The following AASS variants were observed in gnomAD, a reference collection of about 807,000 sequenced individuals.
The protein encoded by AASS is aminoadipate-semialdehyde synthase, also known as alpha-aminoadipic semialdehyde synthase, mitochondrial.
A neutral mutation model predicts 105.4 loss-of-function variants in AASS; 86 were observed. The observed-to-expected ratio is 0.82, with a 90% confidence interval of 0.69 to 0.98. AASS has a LOEUF of 0.98. AASS is among the 50% of genes least tolerant of loss of function. The pLI, the probability that AASS is intolerant of heterozygous loss-of-function variation, is 0.00. For missense variants in AASS, 1,048 were observed against 1,143.2 expected (o/e 0.92, Z 1.20); for synonymous variants, 381 against 394.8 (o/e 0.96, Z 0.41).
chr7:122,091,682 T>C, intron 18 of AASS, 21 bp downstream of exon 18: 2 of 1,613,328 alleles, frequency 1.2e-6, no homozygotes, highest in South Asian at 2.2e-5. Context: ...GATATCACTA[T>C]GCTTGGATAA....
rs553407624 is a variant in AASS, at chr7:122,074,980, C to G, written c.*1509G>C. ...GCTCAAGCCATCCTTACACCTCAGC[C>G]TCTGAGTAGCTGAGACGACAGATGA... is the stretch of plus-strand genomic sequence containing the variant. On this transcript the variant is annotated 3_prime_UTR_variant, in exon 24 of 24. Transcript: ENST00000417368. Among the ~76,000 whole-genome samples, 135 of 152,288 alleles carry G rather than the reference C, an allele frequency of 8.9e-4. No individual in the cohort carries two copies. The highest frequency in any genetic ancestry group is 1.6e-3 in the Non-Finnish European group (109 of 68,030).
intron 4 of AASS, among the ~76,000 whole-genome samples, chr7:122,119,386 A>G (rs1795335236): frequency 1.3e-5 from 2 of 152,140 alleles, no homozygotes; most frequent in African/African-American, 4.8e-5. Context: ...TCTCTCTTGA[A>G]AACAGATCTT....
rs201977168 is a variant in AASS at position 122,106,459 on chromosome 7, C to CA, written c.1279-4780dup. ...GCAGAATAGCCAAGGCAATCCTAAA[C>CA]AAAAAAAAACAGAGCTGGAGGTATC... On this transcript the variant is annotated intron_variant, in intron 11 of 23. Coordinates refer to ENST00000417368, the MANE Select transcript of AASS (RefSeq NM_005763.4). 4.2e-3 allele frequency among the ~76,000 whole-genome samples: 630 copies of CA among 149,374 alleles called. 4 individuals are homozygous for CA. Among genetic ancestry groups the CA allele is most frequent in the African/African-American group, 0.014 (577 of 40,836 alleles).
chr7:122,092,151 TTACATATATATAATTTTAA>T (rs1793934984), intron 17 of AASS, among the ~76,000 whole-genome samples: 1 of 151,394 alleles, frequency 6.6e-6, no homozygotes, highest in Admixed American at 6.6e-5. Flanking sequence ...AATTATATAT[TTACATATATATAATTTTAA>T]TACATATATA....
chr7:122,118,575 G>A lies in AASS; in HGVS notation c.528C>T (p.His176=), dbSNP rs776823496. 7 of 1,614,000 alleles carry A rather than the reference G, an allele frequency of 4.3e-6. No individual in the cohort carries two copies. In the South Asian group the frequency reaches 7.7e-5, roughly 18 times the overall value. ...AAACATCTCTTACCATAAAAGGTGT[G>A]TGATGTCCCAAAGCAAGGAGCCTTA... ...MGLRLLALGH[H]TPFMHIGMAH... The change falls in exon 5 of 24, where the codon CAC becomes CAT. Residue 176 remains histidine (H), a synonymous_variant. Transcript: ENST00000417368.
intron 6 of AASS, among the ~76,000 whole-genome samples, chr7:122,118,100 T>C (rs1297113234): frequency 6.6e-6 from 1 of 151,390 alleles, no homozygotes; most frequent in Non-Finnish European, 1.5e-5. Flanking sequence ...CACACACACA[T>C]ATATATACAC....
chr7:122,115,702 A>C (rs1795134167), intron 8 of AASS, among the ~76,000 whole-genome samples: 2 of 152,202 alleles, frequency 1.3e-5, no homozygotes, highest in African/African-American at 4.8e-5. Context: ...TCTATGGAGC[A>C]ATGTGCTACA....
In AASS at chr7:122,091,781, C is replaced by G; in HGVS notation, c.1938G>C (p.Leu646Phe). The G allele has an allele frequency of 1.2e-6, 2 of 1,611,260 alleles. No homozygotes were observed. Among genetic ancestry groups the G allele is most frequent in the Non-Finnish European group, 1.7e-6 (2 of 1,178,360 alleles). Reference protein sequence around the residue: ...LPAPEHSNNPLRYKFSWSPVG... With the variant: ...LPAPEHSNNPFRYKFSWSPVG... ...CTGGACTCCAGCTAAATTTATATCT[C>G]AATGGATTGTTTGAATGTTCAGGGG... is the stretch of plus-strand genomic sequence containing the variant. Residue 646 changes from leucine (L) to phenylalanine (F), a missense_variant, in exon 18 of 24, where the codon TTG (leucine) becomes TTC (phenylalanine). Leu to Phe is a conservative substitution (Grantham distance 22). Transcript: ENST00000417368.
chr7:122,098,509 G>A lies in AASS; in HGVS notation c.1596C>T (p.Asp532=), dbSNP rs1226295498. 12 of 1,611,448 alleles carry A rather than the reference G, an allele frequency of 7.4e-6. No homozygotes were observed. Among genetic ancestry groups the A allele is most frequent in the Admixed American group, 3.3e-5 (2 of 59,780 alleles). The stretch of plus-strand genomic sequence containing the variant: ...CCAGCTTCTCTTCTTGTTTACAAAT[G>A]TCCATGCTAACAGGATTAATATTAT... ...KKYNINPVSM[D]ICKQEEKLGF... is the part of the protein sequence containing the mutation. Residue 532 remains aspartate, a synonymous_variant, in exon 15 of 24, where the codon GAC becomes GAT. Transcript: ENST00000417368.
intron 1 of AASS, among the ~76,000 whole-genome samples, chr7:122,135,909 A>C (rs570348867): frequency 7.5e-6 from 1 of 132,870 alleles, no homozygotes; most frequent in South Asian, 2.4e-4. Flanking sequence ...ATCTTATGTA[A>C]ATTTTTAAAG....
intron 18 of AASS, among the ~76,000 whole-genome samples, chr7:122,087,475 G>A (rs116129873): frequency 6.6e-6 from 1 of 152,278 alleles, no homozygotes; most frequent in African/African-American, 2.4e-5. Flanking sequence ...CTAGACTGCA[G>A]AGTAAACATT....
chr7:122,095,261 G>A (rs1275974954), intron 15 of AASS, among the ~76,000 whole-genome samples: 2 of 152,080 alleles, frequency 1.3e-5, no homozygotes, highest in African/African-American at 4.8e-5. Flanking sequence ...GGATGATGCT[G>A]TACTCAAAGC....
In AASS at chr7:122,078,871, G is replaced by A; in HGVS notation, c.2476C>T (p.Leu826Phe). The change falls in exon 22 of 24, where the codon CTT becomes TTT. Residue 826 changes from leucine (L) to phenylalanine (F), a missense_variant. Leu to Phe is a conservative substitution (Grantham distance 22). Transcript: ENST00000417368. Reference protein sequence around the residue: ...DALSKHLVMKLSYGPEEKDMI... With the variant: ...DALSKHLVMKFSYGPEEKDMI... ...ATACTTCATGGCCTACCATAGGAAA[G>A]CTTCATGACCAAATGCTTGGAGAGG... is the stretch of plus-strand genomic sequence containing the variant. 1.2e-6 allele frequency: 2 copies of A among 1,613,910 alleles called. No individual in the cohort carries two copies. The highest frequency in any genetic ancestry group is 1.7e-6 in the Non-Finnish European group (2 of 1,179,870).
chr7:122,111,966 G>C (rs1485146636), intron 11 of AASS, among the ~76,000 whole-genome samples: 4 of 152,122 alleles, frequency 2.6e-5, no homozygotes, highest in Non-Finnish European at 5.9e-5. Context: ...TGTTACAGAT[G>C]AAATATCTGA....
intron 18 of AASS, among the ~76,000 whole-genome samples, chr7:122,090,566 T>C (rs145566254): frequency 6.6e-6 from 1 of 152,262 alleles, no homozygotes; most frequent in East Asian, 1.9e-4. Flanking sequence ...ATGTAAAATA[T>C]TGATGCTAAA....
chr7:122,144,003 C>T (rs1796521126), intron 1 of AASS, among the ~76,000 whole-genome samples, 158 bp downstream of exon 1: 2 of 152,176 alleles, frequency 1.3e-5, no homozygotes, highest in South Asian at 2.1e-4. Context: ...TCTCTCGGCC[C>T]GGCCGGGGTC....
rs75031825 is a variant in AASS, at chr7:122,140,985, A to G, written c.-16+3176T>C. 4.4e-3 allele frequency among the ~76,000 whole-genome samples: 670 copies of G among 152,258 alleles called. 19 individuals are homozygous for G. The East Asian group carries it at 0.086, about 20-fold the overall frequency. ...TCTATGGCTATGAGTCTTGGCCTAC[A>G]CTAAGTATCCAAACCATAATATTTT... is the stretch of plus-strand genomic sequence containing the variant. On this transcript the variant is annotated intron_variant, in intron 1 of 23. Transcript: ENST00000417368.
intron 15 of AASS, among the ~76,000 whole-genome samples, chr7:122,096,797 A>C (rs74788047): frequency 0.22 from 33,924 of 151,952 alleles, 4,017 homozygotes; most frequent in African/African-American, 0.31. Context: ...TAAAATTTGG[A>C]CATATTAAGA....
At chr7:122,100,461 CA>C (rs1794375205) in intron 13 of AASS, among the ~76,000 whole-genome samples, 3 of 151,838 alleles carry the variant, frequency 2.0e-5, no homozygotes, top group African/African-American at 7.2e-5. Context: ...ATTTCACTGA[CA>C]CATTAAAAAG....
Sources: gnomAD v4.1 joint callset for allele counts (sites outside exome capture counted in the v4.1 genomes callset) on GRCh38, gnomAD v4.1.1 for gene constraint, MANE v1.5 for transcripts, NCBI Gene and HGNC (gene_info 2026-07-23, HGNC 2026-07-21) for gene names.